Variants in PCBP3 observed in about 807,000 individuals in gnomAD.
PCBP3 encodes the protein poly(rC)-binding protein 3.
Under a neutral mutation model 52.7 loss-of-function variants are expected in PCBP3, and 25 were observed. The ratio of observed to expected loss-of-function variants is 0.47; its 90% CI spans 0.35 to 0.66. The LOEUF (loss-of-function observed/expected upper bound fraction) is 0.66, where lower values mean the gene tolerates loss of function less well. PCBP3 is among the 30% of genes least tolerant of loss of function. PCBP3 has a pLI of 0.01. For synonymous variants in PCBP3, 162 were observed against 183.0 expected, an observed-to-expected ratio of 0.89 and a Z score of 0.93; for missense variants, 391 against 490.3, an observed-to-expected ratio of 0.80 and a Z score of 1.91.
Position 45,867,157 on chromosome 21 carries a change from G to T in PCBP3, c.10+17062G>T, listed in dbSNP as rs78353335. On this transcript the variant is annotated intron_variant, in intron 5 of 17. Coordinates refer to ENST00000681687, the MANE Select transcript of PCBP3 (RefSeq NM_001384156.1). Reference sequence around the variant, plus strand: ...TGTGGCTGTTTAACGTGGTCTTTTTGGGGAGGGCATCCTAGGCAGAGCAGG... The same window carrying T: ...TGTGGCTGTTTAACGTGGTCTTTTTTGGGAGGGCATCCTAGGCAGAGCAGG... 1.9e-3 allele frequency among the ~76,000 whole-genome samples: 294 copies of T among 152,292 alleles called. 2 individuals are homozygous for T. The highest frequency in any genetic ancestry group is 6.8e-3 in the African/African-American group (283 of 41,558).
intron 13 of PCBP3, among the ~76,000 whole-genome samples, chr21:45,929,496 G>C (rs1471034447): frequency 1.3e-5 from 2 of 152,188 alleles, no homozygotes; most frequent in African/African-American, 2.4e-5. Context: ...GATCCCACAG[G>C]GGCTAGGCTG....
At chr21:45,657,684 A>T (rs1373244250) in intron 1 of PCBP3, among the ~76,000 whole-genome samples, 1 of 152,000 alleles carries the variant, frequency 6.6e-6, no homozygotes, top group Non-Finnish European at 1.5e-5. Context: ...GAAAAAAAAA[A>T]AGGCAGGTAG....
chr21:45,816,516 C>A (rs1345496115), intron 4 of PCBP3, among the ~76,000 whole-genome samples: 2 of 99,016 alleles, frequency 2.0e-5, no homozygotes, highest in African/African-American at 7.7e-5. Context: ...CCTCCCCTCC[C>A]CTCCCCTCCC....
At chr21:45,747,387 C>G (rs767763014) in intron 3 of PCBP3, among the ~76,000 whole-genome samples, 4 of 152,212 alleles carry the variant, frequency 2.6e-5, no homozygotes, top group Non-Finnish European at 5.9e-5. Flanking sequence ...CAAAGCCCAC[C>G]GGGCATCCTT....
chr21:45,738,368 C>T (rs2086053758), intron 3 of PCBP3, among the ~76,000 whole-genome samples: 1 of 151,168 alleles, frequency 6.6e-6, no homozygotes, highest in Admixed American at 6.6e-5. Context: ...CATTCTCCTA[C>T]CTCAGCCTCC....
At chr21:45,825,544 T>G (rs1026467774) in intron 4 of PCBP3, among the ~76,000 whole-genome samples, 1 of 152,154 alleles carries the variant, frequency 6.6e-6, no homozygotes, top group Non-Finnish European at 1.5e-5. Flanking sequence ...CTCAACAGGC[T>G]CCTCCCTCCC....
chr21:45,741,933 G>A lies in PCBP3; in HGVS notation c.-162+6504G>A, dbSNP rs1303941410. On this transcript the variant is annotated intron_variant, in intron 3 of 17. Coordinates refer to ENST00000681687, the MANE Select transcript of PCBP3 (RefSeq NM_001384156.1). The surrounding 1 kb of genome is among the most constrained non-coding windows in gnomAD (Gnocchi z 4.5). The stretch of plus-strand genomic sequence containing the variant: ...CCCTGGGGGCGGTGGGGAAATTCCA[G>A]TCCAGACTGTCTGCCTCAGGCATTC... 2.0e-5 allele frequency among the ~76,000 whole-genome samples: 3 copies of A among 152,154 alleles called. No individual in the cohort carries two copies. Among genetic ancestry groups the A allele is most frequent in the Admixed American group, 6.5e-5 (1 of 15,278 alleles).
rs555641952 is a variant in PCBP3 at position 45,904,529 on chromosome 21, G to A, written c.339+3416G>A. ...GGACAGTGTTGTTCTTGAGTAAGGG[G>A]TAACTACTCAGAGAGTTCTGTTATA... On this transcript the variant is annotated intron_variant, in intron 9 of 17. Transcript: ENST00000681687. This position sits in a 1 kb window ranked among gnomAD's most constrained non-coding sequence, Gnocchi z 4.8. 4.6e-5 allele frequency among the ~76,000 whole-genome samples: 7 copies of A among 152,310 alleles called. No homozygotes were observed. Among genetic ancestry groups the A allele is most frequent in the East Asian group, 1.9e-4 (1 of 5,188 alleles).
chr21:45,723,534 TAGTG>T (rs1307680478), intron 2 of PCBP3, among the ~76,000 whole-genome samples: 1 of 152,234 alleles, frequency 6.6e-6, no homozygotes, highest in Non-Finnish European at 1.5e-5. Context: ...TACAAGTTGA[TAGTG>T]AGTAAAGCCC....
At chr21:45,790,554 G>T (rs1370938264) in intron 4 of PCBP3, among the ~76,000 whole-genome samples, 1 of 152,190 alleles carries the variant, frequency 6.6e-6, no homozygotes, top group Non-Finnish European at 1.5e-5. Context: ...GGGGGCGTCT[G>T]TGGAGAGAAG....
In PCBP3 at chr21:45,737,669, G is replaced by C. The variant is rs762977404; in HGVS notation, c.-162+2240G>C. On this transcript the variant is annotated intron_variant, in intron 3 of 17. Transcript: ENST00000681687. The surrounding 1 kb of genome is among the most constrained non-coding windows in gnomAD (Gnocchi z 4.9). ...CATGTGGGTTCTGGAGGCTGCAGCA[G>C]GCAGATTCTGGAAATTCCCTGAGGC... is the stretch of plus-strand genomic sequence containing the variant. 1.3e-5 allele frequency among the ~76,000 whole-genome samples: 2 copies of C among 152,222 alleles called. No individual in the cohort carries two copies. The highest frequency in any genetic ancestry group is 4.8e-5 in the African/African-American group (2 of 41,456).
At chr21:45,669,518 A>C (rs995311216) in intron 2 of PCBP3, among the ~76,000 whole-genome samples, 2 of 151,968 alleles carry the variant, frequency 1.3e-5, no homozygotes, top group Admixed American at 1.3e-4. Flanking sequence ...GTTGTTGTGC[A>C]ACCATCCATC....
chr21:45,723,810 C>T (rs1243090028), intron 2 of PCBP3, among the ~76,000 whole-genome samples: 1 of 152,182 alleles, frequency 6.6e-6, no homozygotes, highest in Non-Finnish European at 1.5e-5. Flanking sequence ...ATGTCATGGC[C>T]ATGCCACTTT....
chr21:45,881,438 A>C (rs1374020305), intron 5 of PCBP3, among the ~76,000 whole-genome samples: 2 of 152,086 alleles, frequency 1.3e-5, no homozygotes, highest in East Asian at 3.9e-4. Context: ...CCACAGGTGC[A>C]CTCCACCACA....
At chr21:45,854,625 A>G (rs537348666) in intron 5 of PCBP3, among the ~76,000 whole-genome samples, 7 of 152,330 alleles carry the variant, frequency 4.6e-5, no homozygotes, top group Non-Finnish European at 8.8e-5. Context: ...ATCCTGTTGT[A>G]TGTAAAGACT....
intron 13 of PCBP3, among the ~76,000 whole-genome samples, chr21:45,929,223 G>A (rs761451725): frequency 1.5e-4 from 23 of 152,174 alleles, no homozygotes; most frequent in African/African-American, 2.2e-4. Flanking sequence ...TGCAGGGACC[G>A]GGGACACAGG....
In PCBP3 at chr21:45,651,125, G is replaced by A. The variant is rs114230777; in HGVS notation, c.-279+7257G>A. 4.1e-4 allele frequency among the ~76,000 whole-genome samples: 63 copies of A among 152,210 alleles called. 1 individual carries two copies. Among genetic ancestry groups the A allele is most frequent in the Non-Finnish European group, 8.8e-5 (6 of 68,020 alleles). Reference sequence around the variant, plus strand: ...GACCCAGTTAAGCCTGCTTAAATTCGTGACTCACAGAAACTGTGAGATATT... The same window carrying A: ...GACCCAGTTAAGCCTGCTTAAATTCATGACTCACAGAAACTGTGAGATATT... On this transcript the variant is annotated intron_variant, in intron 1 of 17. Coordinates refer to ENST00000681687, the MANE Select transcript of PCBP3 (RefSeq NM_001384156.1).
rs547892570 is a variant in PCBP3 at position 45,839,056 on chromosome 21, G to A, written c.-125-10905G>A. The stretch of plus-strand genomic sequence containing the variant: ...AACATGAACAAATGTGTGCATACAT[G>A]AATTCTTCAACTTAGTAAACTTTTC... On this transcript the variant is annotated intron_variant, in intron 4 of 17. Coordinates refer to ENST00000681687, the MANE Select transcript of PCBP3 (RefSeq NM_001384156.1). Among the ~76,000 whole-genome samples, 52 of 152,106 alleles carry A rather than the reference G, an allele frequency of 3.4e-4. 1 individual carries two copies. Among genetic ancestry groups the A allele is most frequent in the Middle Eastern group, 3.4e-3 (1 of 294 alleles).
intron 11 of PCBP3, among the ~76,000 whole-genome samples, chr21:45,913,116 C>T (rs1388194966): frequency 2.6e-5 from 4 of 152,192 alleles, no homozygotes; most frequent in Admixed American, 6.5e-5. Flanking sequence ...CTTCTGCCTC[C>T]TTGACCTGGG....
Sources: allele counts gnomAD v4.1 joint callset (sites outside exome capture counted in the v4.1 genomes callset), GRCh38; gene constraint gnomAD v4.1.1; non-coding constraint Gnocchi (gnomAD v3.1); transcripts MANE v1.5; gene names NCBI Gene and HGNC (gene_info 2026-07-23, HGNC 2026-07-21).